The following TLN2 variants were observed in gnomAD, a reference collection of about 807,000 sequenced individuals.
The protein encoded by TLN2 is talin 2, also known as talin-2.
TLN2 carries 118 observed loss-of-function variants against 294.7 expected under a neutral mutation model. That is an observed-to-expected ratio of 0.40 (90% CI 0.34 to 0.47). TLN2 has a LOEUF of 0.47. Among genes scored for constraint, TLN2 ranks in the 20% least tolerant of loss-of-function variants. The pLI is 0.84. For missense variants in TLN2, 3,083 were observed against 3,282.2 expected, an observed-to-expected ratio of 0.94 and a Z score of 1.48; for synonymous variants, 1,431 against 1,304.5, an observed-to-expected ratio of 1.10 and a Z score of -2.09.
At chr15:62,616,879 T>C (rs935404433) in intron 2 of TLN2, among the ~76,000 whole-genome samples, 3 of 152,212 alleles carry the variant, frequency 2.0e-5, no homozygotes, top group Admixed American at 6.5e-5. Context: ...TAATAATTAC[T>C]TTCTTAAATG....
chr15:62,487,015 C>A (rs1328139995), intron 1 of TLN2, among the ~76,000 whole-genome samples: 1 of 152,130 alleles, frequency 6.6e-6, no homozygotes, highest in Non-Finnish European at 1.5e-5. Context: ...AGCATAAATG[C>A]AGTGTTCACA....
intron 5 of TLN2, among the ~76,000 whole-genome samples, chr15:62,651,650 G>A (rs1367776615): frequency 6.6e-6 from 1 of 152,186 alleles, no homozygotes; most frequent in Non-Finnish European, 1.5e-5. Context: ...ATTAAAATAG[G>A]AGAAGTGCAG....
intron 1 of TLN2, among the ~76,000 whole-genome samples, chr15:62,467,109 A>C (rs572810569): frequency 6.6e-6 from 1 of 152,212 alleles, no homozygotes; most frequent in South Asian, 2.1e-4. Flanking sequence ...GAGTTACGGA[A>C]TGGCTGTGGG....
intron 1 of TLN2, among the ~76,000 whole-genome samples, chr15:62,471,311 C>CT (rs2037459293): frequency 6.6e-6 from 1 of 152,234 alleles, no homozygotes; most frequent in African/African-American, 2.4e-5. Flanking sequence ...TGCTGCTGCA[C>CT]TCCAGCCTGG....
intron 3 of TLN2, among the ~76,000 whole-genome samples, chr15:62,639,314 GC>G (rs2050738538): frequency 6.6e-6 from 1 of 152,148 alleles, no homozygotes; most frequent in Non-Finnish European, 1.5e-5. Context: ...TGGTGGCCCT[GC>G]CGTTTACTTA....
intron 32 of TLN2, among the ~76,000 whole-genome samples, chr15:62,742,879 C>T (rs1034719440): frequency 2.6e-5 from 4 of 152,178 alleles, no homozygotes; most frequent in Admixed American, 2.0e-4. Context: ...GTCAGGCAGG[C>T]TCCTCTTGGG....
chr15:62,767,634 C>T (rs368539463), intron 41 of TLN2, among the ~76,000 whole-genome samples: 58 of 152,278 alleles, frequency 3.8e-4, no homozygotes, highest in East Asian at 1.4e-3. Context: ...CCACTGCGCC[C>T]GGCTGGCATA....
chr15:62,528,848 T>C (rs1291334778), intron 1 of TLN2, among the ~76,000 whole-genome samples: 4 of 152,154 alleles, frequency 2.6e-5, no homozygotes, highest in Non-Finnish European at 5.9e-5. Flanking sequence ...CTGATGTCTC[T>C]CAGCTGTGTG....
intron 1 of TLN2, among the ~76,000 whole-genome samples, chr15:62,504,867 G>T (rs1349458783): frequency 6.6e-6 from 1 of 151,768 alleles, no homozygotes; most frequent in East Asian, 1.9e-4. Context: ...GAGAGAGAGA[G>T]AGAGGGAGAC....
intron 42 of TLN2, 46 bp downstream of exon 42, chr15:62,771,180 C>T: frequency 6.5e-7 from 1 of 1,529,532 alleles, no homozygotes; most frequent in Non-Finnish European, 8.8e-7. Flanking sequence ...ACTAAGAAGC[C>T]ATCATGCATT....
chr15:62,528,844 T>A (rs1221820504), intron 1 of TLN2, among the ~76,000 whole-genome samples: 1 of 152,114 alleles, frequency 6.6e-6, no homozygotes, highest in Non-Finnish European at 1.5e-5. Context: ...ATGGCTGATG[T>A]CTCTCAGCTG....
At chr15:62,442,668 A>G (rs540682431) in intron 1 of TLN2, among the ~76,000 whole-genome samples, 23 of 152,194 alleles carry the variant, frequency 1.5e-4, no homozygotes, top group African/African-American at 5.3e-4. Context: ...AGAAAAAAAA[A>G]ATTTGTTTTT....
intron 1 of TLN2, among the ~76,000 whole-genome samples, chr15:62,530,417 G>A (rs1308324407): frequency 6.6e-6 from 1 of 152,028 alleles, no homozygotes; most frequent in Non-Finnish European, 1.5e-5. Flanking sequence ...GAGTGCAGTG[G>A]CACAATCTCA....
intron 2 of TLN2, among the ~76,000 whole-genome samples, chr15:62,617,707 C>A (rs1443914495): frequency 6.6e-6 from 1 of 152,180 alleles, no homozygotes; most frequent in Non-Finnish European, 1.5e-5. Context: ...CTGAATGGCT[C>A]TCTTTTGGAG....
rs761444752 is a variant in TLN2 at position 62,653,243 on chromosome 15, A to G, written c.446A>G (p.Lys149Arg). ...KKEEGTGTLKKDRTLLRDERK... is the reference protein window; with the variant it reads ...KKEEGTGTLKRDRTLLRDERK... ...GAGGAAGGAACGGGCACACTCAAAA[A>G]AGACAGGACACTGTTACGAGATGAG... is the stretch of plus-strand genomic sequence containing the variant. The change falls in exon 7 of 59, where the codon AAA becomes AGA. Residue 149 changes from lysine to arginine, a missense_variant. Coordinates refer to ENST00000636159, the MANE Select transcript of TLN2 (RefSeq NM_015059.3). 6.2e-7 allele frequency: 1 copy of G among 1,613,676 alleles called. No individual in the cohort carries two copies. The highest frequency in any genetic ancestry group is 8.5e-7 in the Non-Finnish European group (1 of 1,179,922).
chr15:62,829,015 C>T (rs1033919523), intron 54 of TLN2: 18 of 152,052 alleles, frequency 1.2e-4, no homozygotes, highest in Admixed American at 9.2e-4. Flanking sequence ...CCACCCCAGA[C>T]CTACCAAAAC....
chr15:62,523,508 GCTAA>G (rs1292191134), intron 1 of TLN2, among the ~76,000 whole-genome samples: 4 of 152,238 alleles, frequency 2.6e-5, no homozygotes, highest in Non-Finnish European at 5.9e-5. Flanking sequence ...TGAACACTAT[GCTAA>G]CTATGTTATA....
intron 46 of TLN2, among the ~76,000 whole-genome samples, chr15:62,794,125 G>C (rs1046827199): frequency 6.6e-6 from 1 of 152,172 alleles, no homozygotes. Flanking sequence ...AGAGGGGTCC[G>C]AGCTACATAG....
intron 1 of TLN2, among the ~76,000 whole-genome samples, chr15:62,576,619 A>G (rs949990928): frequency 1.0e-5 from 1 of 99,488 alleles, no homozygotes; most frequent in Non-Finnish European, 2.0e-5. Context: ...TTTTTTTTGC[A>G]TTTTAAGAGA....
Sources: allele counts gnomAD v4.1 joint callset (sites outside exome capture counted in the v4.1 genomes callset), GRCh38; gene constraint gnomAD v4.1.1; transcripts MANE v1.5; gene names NCBI Gene and HGNC (gene_info 2026-07-23, HGNC 2026-07-21).